The following TIAM1 variants were observed in gnomAD, a reference collection of about 807,000 sequenced individuals.
TIAM1 encodes the protein TIAM Rac1 associated GEF 1, also known as rho guanine nucleotide exchange factor TIAM1.
In TIAM1, 65 loss-of-function variants were observed where a neutral mutation model predicts 163.5. That is an observed-to-expected ratio of 0.40 (90% CI 0.33 to 0.49). TIAM1 has a LOEUF of 0.49. Among genes scored for constraint, TIAM1 ranks in the 20% least tolerant of loss-of-function variants. The pLI is 0.77. For missense variants in TIAM1, 1,789 were observed against 2,044.7 expected (o/e 0.87, Z 2.41); for synonymous variants, 833 against 810.1 (o/e 1.03, Z -0.48).
chr21:31,542,745 T>A (rs1209423903), intron 1 of TIAM1, among the ~76,000 whole-genome samples: 1 of 152,112 alleles, frequency 6.6e-6, no homozygotes, highest in Non-Finnish European at 1.5e-5. Context: ...GCAGGGCAGA[T>A]CACTTGAGGT....
intron 1 of TIAM1, among the ~76,000 whole-genome samples, chr21:31,468,103 A>T (rs1265365231): frequency 6.9e-6 from 1 of 145,628 alleles, no homozygotes; most frequent in East Asian, 2.0e-4. Flanking sequence ...AAAAAAAAGT[A>T]GAAATAAATA....
At chr21:31,225,625 T>C (rs2087907363) in intron 7 of TIAM1, 101 bp downstream of exon 7, 2 of 913,070 alleles carry the variant, frequency 2.2e-6, no homozygotes, top group Admixed American at 4.6e-5. Flanking sequence ...GTCGAGGAGA[T>C]ATCCGATGAT....
At chr21:31,200,358 C>T (rs937640326) in intron 12 of TIAM1, among the ~76,000 whole-genome samples, 34 of 152,058 alleles carry the variant, frequency 2.2e-4, no homozygotes, top group African/African-American at 8.2e-4. Context: ...AAAGTGATAT[C>T]TTTATATTTA....
upstream of TIAM1, among the ~76,000 whole-genome samples, chr21:31,346,284 A>G (rs1477179113): frequency 2.0e-5 from 3 of 152,138 alleles, no homozygotes; most frequent in Admixed American, 2.0e-4. Context: ...AGCATCATCA[A>G]TTTGAAGAGA....
intron 2 of TIAM1, among the ~76,000 whole-genome samples, chr21:31,372,213 G>C (rs1344732801): frequency 6.6e-6 from 1 of 152,096 alleles, no homozygotes; most frequent in Admixed American, 6.6e-5. Flanking sequence ...AAAAATGTAG[G>C]AAAACATCAT....
At chr21:31,236,120 GC>G (rs1476901297) in intron 6 of TIAM1, among the ~76,000 whole-genome samples, 3 of 152,182 alleles carry the variant, frequency 2.0e-5, no homozygotes, top group Admixed American at 6.5e-5. Context: ...TCAAAAAGAT[GC>G]CCGAAGCTCT....
rs114975400 is a variant in TIAM1, at chr21:31,229,598, A to G, written c.1585-3648T>C. On this transcript the variant is annotated intron_variant, in intron 6 of 27. Coordinates refer to ENST00000541036, the MANE Select transcript of TIAM1 (RefSeq NM_001353694.2). ...GAAACATGCTTTCCATTTTGTTTGT[A>G]TCGCTCAGTGGAAATGAGGAGCTTT... 6.2e-3 allele frequency among the ~76,000 whole-genome samples: 945 copies of G among 151,980 alleles called. 12 individuals are homozygous for G. Among genetic ancestry groups the G allele is most frequent in the African/African-American group, 0.021 (882 of 41,472 alleles).
chr21:31,138,848 C>T (rs560985813), intron 22 of TIAM1, among the ~76,000 whole-genome samples: 8 of 152,306 alleles, frequency 5.3e-5, no homozygotes, highest in African/African-American at 1.2e-4. Context: ...GCTCGTTTGT[C>T]TTATCCTTCC....
At chr21:31,287,176 T>C (rs1278455124) in intron 2 of TIAM1, among the ~76,000 whole-genome samples, 1 of 152,212 alleles carries the variant, frequency 6.6e-6, no homozygotes, top group Non-Finnish European at 1.5e-5. Context: ...GTATGCAAAA[T>C]AGTGGTGCAT....
At chr21:31,308,122 GCAC>G (rs1334867207) in intron 2 of TIAM1, among the ~76,000 whole-genome samples, 1 of 152,134 alleles carries the variant, frequency 6.6e-6, no homozygotes, top group Non-Finnish European at 1.5e-5. Flanking sequence ...GTGGTGGTGT[GCAC>G]CTGTAGACCC....
chr21:31,120,785 G>A lies in TIAM1; in HGVS notation c.4359C>T (p.Asn1453=), dbSNP rs541040600. The change falls in exon 28 of 28, where the codon AAC becomes AAT. Residue 1453 remains asparagine (N), a synonymous_variant. Coordinates refer to ENST00000541036, the MANE Select transcript of TIAM1 (RefSeq NM_001353694.2). This position sits in a 1 kb window ranked among gnomAD's most constrained non-coding sequence, Gnocchi z 4.2. Reference sequence around the variant, plus strand: ...CGGCATCAGAATCAATGGTAAACCTGTTTCGAGCCAGCCGCCGCCTCCTCC... The same window carrying A: ...CGGCATCAGAATCAATGGTAAACCTATTTCGAGCCAGCCGCCGCCTCCTCC... The part of the protein sequence containing the change: ...LGRRRRRLAR[N]RFTIDSDAVS... 8.4e-5 allele frequency: 135 copies of A among 1,613,868 alleles called. 3 individuals are homozygous for A. The South Asian group carries it at 1.3e-3, about 16-fold the overall frequency.
At position 31,120,418 on chromosome 21, in the gene TIAM1, C is replaced by T. The variant is rs369297038; in HGVS notation, c.4726G>A (p.Val1576Ile). ...LESASEEVIW[V>I]RREDFAPSRK... is the part of the protein sequence containing the mutation. ...GAGGGGGCAAAGTCTTCACGCCTAA[C>T]CCAAATGACTTCCTCGCTTGCGCTC... The change falls in exon 28 of 28, where the codon GTT (valine) becomes ATT (isoleucine). Residue 1576 changes from valine to isoleucine, a missense_variant. Coordinates refer to ENST00000541036, the MANE Select transcript of TIAM1 (RefSeq NM_001353694.2). This position sits in a 1 kb window ranked among gnomAD's most constrained non-coding sequence, Gnocchi z 4.2. 8.0e-5 allele frequency: 129 copies of T among 1,613,926 alleles called. No individual in the cohort carries two copies. The highest frequency in any genetic ancestry group is 1.1e-4 in the Non-Finnish European group (128 of 1,179,986).
chr21:31,494,568 G>A (rs1358316585), intron 1 of TIAM1, among the ~76,000 whole-genome samples: 1 of 152,198 alleles, frequency 6.6e-6, no homozygotes, highest in Non-Finnish European at 1.5e-5. Context: ...AAATCAGCCA[G>A]GCACAGTGGC....
At chr21:31,268,572 C>T (rs1569138770) in intron 3 of TIAM1, among the ~76,000 whole-genome samples, 1 of 152,186 alleles carries the variant, frequency 6.6e-6, no homozygotes, top group South Asian at 2.1e-4. Flanking sequence ...TGTTCCCAGG[C>T]TGGAATATTC....
chr21:31,458,545 G>C (rs2045200179), intron 2 of TIAM1, among the ~76,000 whole-genome samples: 1 of 152,120 alleles, frequency 6.6e-6, no homozygotes, highest in African/African-American at 2.4e-5. Flanking sequence ...TTGGGAAACT[G>C]TACTTACCAG....
At chr21:31,245,312 T>C (rs1021175344) in intron 6 of TIAM1, among the ~76,000 whole-genome samples, 176 bp downstream of exon 6, 5 of 149,792 alleles carry the variant, frequency 3.3e-5, no homozygotes, top group African/African-American at 1.2e-4. Context: ...TTAATATAGA[T>C]GTTTATTTTG....
At chr21:31,302,872 C>A (rs2074556351) in intron 2 of TIAM1, among the ~76,000 whole-genome samples, 1 of 152,180 alleles carries the variant, frequency 6.6e-6, no homozygotes, top group Non-Finnish European at 1.5e-5. Context: ...ATTTTAAAAT[C>A]TCCTGAAACA....
intron 2 of TIAM1, among the ~76,000 whole-genome samples, chr21:31,417,580 G>A (rs563608225): frequency 6.6e-6 from 1 of 152,280 alleles, no homozygotes; most frequent in South Asian, 2.1e-4. Context: ...CACAATACGT[G>A]AGAATTATGG....
At chr21:31,249,468 A>G (rs567382568) in intron 5 of TIAM1, among the ~76,000 whole-genome samples, 20 of 152,202 alleles carry the variant, frequency 1.3e-4, no homozygotes, top group Non-Finnish European at 2.1e-4. Flanking sequence ...AAATCTTGTG[A>G]TTCAGCAGGT....
Sources: allele counts gnomAD v4.1 joint callset (sites outside exome capture counted in the v4.1 genomes callset), GRCh38; gene constraint gnomAD v4.1.1; non-coding constraint Gnocchi (gnomAD v3.1); transcripts MANE v1.5; gene names NCBI Gene and HGNC (gene_info 2026-07-23, HGNC 2026-07-21).